CHRNA7: variants seen among roughly 807,000 people sequenced by gnomAD.
CHRNA7 encodes the protein neuronal acetylcholine receptor subunit alpha-7.
A neutral mutation model predicts 48.0 loss-of-function variants in CHRNA7; 17 were observed. The observed-to-expected ratio is 0.35, with a 90% CI of 0.24 to 0.53. The LOEUF is 0.53. CHRNA7 is among the 20% of genes least tolerant of loss of function. The pLI is 0.92. For synonymous variants in CHRNA7, 75 were observed against 242.3 expected (o/e 0.31, Z 6.41); for missense variants, 155 against 577.7 (o/e 0.27, Z 7.50).
At chr15:32,058,392 G>T (rs1438891418) in intron 2 of CHRNA7, among the ~76,000 whole-genome samples, 2 of 152,196 alleles carry the variant, frequency 1.3e-5, no homozygotes, top group Non-Finnish European at 2.9e-5. Flanking sequence ...AAACTGAAAA[G>T]GAATATTCAT....
At chr15:32,100,598 G>A (rs2050553635) in intron 2 of CHRNA7, 1 of 154,552 alleles carries the variant, frequency 6.5e-6, no homozygotes, top group African/African-American at 2.4e-5. Flanking sequence ...TCAGGGAGGT[G>A]TTTTGGAAAT....
chr15:32,164,912 CTAAAAAAAAAAAAAA>C (rs2052012079), intron 9 of CHRNA7, among the ~76,000 whole-genome samples: 1 of 7,936 alleles, frequency 1.3e-4, no homozygotes, highest in African/African-American at 3.1e-4. Flanking sequence ...ACTCCATCTC[CTAAAAAAAAAAAAAA>C]AAAAAAAAAA....
rs997028422 is a variant in CHRNA7, at chr15:32,109,575, G to C, written c.241-2215G>C. On this transcript the variant is annotated intron_variant, in intron 3 of 9. Coordinates refer to ENST00000306901, the MANE Select transcript of CHRNA7 (RefSeq NM_000746.6). ...TGGGGCAAGGGAAAACAGCAGATGG[G>C]CAGCAGCATCAGGGAGATTGAGCCA... 3.9e-4 allele frequency among the ~76,000 whole-genome samples: 59 copies of C among 152,152 alleles called. 1 individual carries two copies. Among genetic ancestry groups the C allele is most frequent in the African/African-American group, 1.3e-3 (55 of 41,440 alleles).
rs1019045724 is a variant in CHRNA7 at position 32,149,630 on chromosome 15, C to G, written c.351-4277C>G. On this transcript the variant is annotated intron_variant, in intron 4 of 9. Transcript: ENST00000306901. The surrounding 1 kb of genome is among the most constrained non-coding windows in gnomAD (Gnocchi z 4.6). Reference sequence around the variant, plus strand: ...TTGCCTATGGGAAAGAAGCGTAAAACTACCATCATGGGTATTAAGATTTGG... The same window carrying G: ...TTGCCTATGGGAAAGAAGCGTAAAAGTACCATCATGGGTATTAAGATTTGG... Among the ~76,000 whole-genome samples the G allele has an allele frequency of 5.9e-5, 9 of 152,214 alleles. No individual in the cohort carries two copies. Among genetic ancestry groups the G allele is most frequent in the Non-Finnish European group, 1.3e-4 (9 of 68,044 alleles).
intron 2 of CHRNA7, among the ~76,000 whole-genome samples, chr15:32,054,077 A>G (rs1190165830): frequency 6.6e-6 from 1 of 152,158 alleles, no homozygotes; most frequent in Non-Finnish European, 1.5e-5. Context: ...GAGAGGGAGG[A>G]GAACTTATTT....
intron 2 of CHRNA7, among the ~76,000 whole-genome samples, chr15:32,034,149 A>G (rs1012515834): frequency 9.9e-5 from 15 of 152,240 alleles, no homozygotes; most frequent in African/African-American, 1.9e-4. Context: ...GTGTTCAACT[A>G]GAGCAGCTGA....
chr15:32,125,154 C>G (rs2051044026), intron 4 of CHRNA7, among the ~76,000 whole-genome samples: 1 of 151,734 alleles, frequency 6.6e-6, no homozygotes, highest in South Asian at 2.1e-4. Flanking sequence ...AAGGCAGACG[C>G]AGCTGACAAA....
intron 4 of CHRNA7, among the ~76,000 whole-genome samples, chr15:32,136,257 A>G (rs2051254021): frequency 6.6e-6 from 1 of 152,048 alleles, no homozygotes; most frequent in African/African-American, 2.4e-5. Context: ...TTGGGAGGCC[A>G]AGGCAAGTAG....
At chr15:32,052,366 G>A (rs2049704141) in intron 2 of CHRNA7, among the ~76,000 whole-genome samples, 1 of 152,166 alleles carries the variant, frequency 6.6e-6, no homozygotes, top group African/African-American at 2.4e-5. Flanking sequence ...CACGGAAGTA[G>A]GGAGTGTAGT....
intron 4 of CHRNA7, among the ~76,000 whole-genome samples, chr15:32,128,694 A>G (rs1444077200): frequency 1.3e-5 from 2 of 151,598 alleles, no homozygotes; most frequent in Non-Finnish European, 3.0e-5. Context: ...TTCCACATAG[A>G]CCATCATGTC....
chr15:32,107,624 T>C (rs1048221385), intron 3 of CHRNA7, among the ~76,000 whole-genome samples: 3 of 152,096 alleles, frequency 2.0e-5, no homozygotes, highest in Non-Finnish European at 2.9e-5. Flanking sequence ...AGGATGCAGC[T>C]CAGGAACCAA....
chr15:32,096,463 T>A (rs1031015725), intron 2 of CHRNA7, among the ~76,000 whole-genome samples: 1 of 152,206 alleles, frequency 6.6e-6, no homozygotes. Flanking sequence ...GAAAAAAATA[T>A]GGTTGGTGTA....
At chr15:32,062,618 C>G (rs2049897478) in intron 2 of CHRNA7, among the ~76,000 whole-genome samples, 1 of 152,134 alleles carries the variant, frequency 6.6e-6, no homozygotes, top group African/African-American at 2.4e-5. Context: ...CTGCAGCTGT[C>G]AGACTGATAT....
At chr15:32,065,598 A>G (rs2049951214) in intron 2 of CHRNA7, among the ~76,000 whole-genome samples, 1 of 152,264 alleles carries the variant, frequency 6.6e-6, no homozygotes, top group African/African-American at 2.4e-5. Context: ...CAAAAAACAC[A>G]TGTAAGGCTG....
intron 2 of CHRNA7, among the ~76,000 whole-genome samples, chr15:32,096,099 G>A (rs2050464110): frequency 6.6e-6 from 1 of 152,140 alleles, no homozygotes; most frequent in Non-Finnish European, 1.5e-5. Flanking sequence ...AATTTGGGGG[G>A]TCTCCCATAA....
chr15:32,138,865 C>T (rs1368067236), intron 4 of CHRNA7, among the ~76,000 whole-genome samples: 1 of 152,034 alleles, frequency 6.6e-6, no homozygotes, highest in Non-Finnish European at 1.5e-5. Context: ...GCGATTCTCC[C>T]ACCTCAGCCT....
intron 2 of CHRNA7, among the ~76,000 whole-genome samples, chr15:32,079,992 G>T (rs2050191346): frequency 1.3e-5 from 2 of 152,054 alleles, no homozygotes; most frequent in South Asian, 4.1e-4. Context: ...TCAGAAATAA[G>T]ACCACACATC....
chr15:32,079,504 AACAG>A (rs927950607), intron 2 of CHRNA7, among the ~76,000 whole-genome samples: 4 of 151,916 alleles, frequency 2.6e-5, no homozygotes, highest in East Asian at 1.9e-4. Context: ...TCTATATAAC[AACAG>A]ACAGAGAGCC....
intron 3 of CHRNA7, among the ~76,000 whole-genome samples, chr15:32,106,183 G>A (rs956693264): frequency 3.3e-5 from 5 of 152,178 alleles, no homozygotes; most frequent in African/African-American, 9.7e-5. Flanking sequence ...TCAGGGCCAG[G>A]GTTCTGAGGG....
Sources: allele counts gnomAD v4.1 joint callset (sites outside exome capture counted in the v4.1 genomes callset), GRCh38; gene constraint gnomAD v4.1.1; non-coding constraint Gnocchi (gnomAD v3.1); transcripts MANE v1.5; gene names NCBI Gene and HGNC (gene_info 2026-07-23, HGNC 2026-07-21).